UTRN: variants seen among roughly 807,000 people sequenced by gnomAD.
The protein encoded by UTRN is dystrophin-related protein 1.
In UTRN, 283 loss-of-function variants were observed where a neutral mutation model predicts 463.9. That is an observed-to-expected ratio of 0.61 (90% CI 0.55 to 0.67). UTRN has a LOEUF of 0.67. UTRN is among the 30% of genes least tolerant of loss of function. UTRN has a pLI of 0.00. For synonymous variants in UTRN, 1,442 were observed against 1,431.5 expected (o/e 1.01, Z -0.17); for missense variants, 3,922 against 4,084.3 (o/e 0.96, Z 1.08).
chr6:144,751,718 A>G (rs891365505), intron 55 of UTRN, 88 bp from the exon 56 acceptor site: 1 of 1,286,106 alleles, frequency 7.8e-7, no homozygotes, highest in Non-Finnish European at 1.0e-6. Context: ...GAACCCATGC[A>G]GTTCAGACCT....
At chr6:144,380,644 CTAAAATAATTTTTT>C (rs1780828989) in intron 2 of UTRN, among the ~76,000 whole-genome samples, 1 of 151,814 alleles carries the variant, frequency 6.6e-6, no homozygotes, top group South Asian at 2.1e-4. Flanking sequence ...GACTCCATCT[CTAAAATAATTTTTT>C]TAAAATATTA....
chr6:144,569,262 C>T (rs1449484791), intron 50 of UTRN, among the ~76,000 whole-genome samples: 2 of 151,962 alleles, frequency 1.3e-5, no homozygotes, highest in African/African-American at 4.8e-5. Flanking sequence ...TAAACACATA[C>T]ATTCATTATA....
intron 38 of UTRN, 47 bp from the exon 39 acceptor site, chr6:144,516,764 A>G (rs1795647616): frequency 1.5e-6 from 2 of 1,375,108 alleles, no homozygotes; most frequent in East Asian, 2.7e-5. Flanking sequence ...AAGTGACCTT[A>G]TGCATTTTTC....
chr6:144,428,423 G>GC (rs539537818), intron 7 of UTRN, among the ~76,000 whole-genome samples: 2 of 138,568 alleles, frequency 1.4e-5, no homozygotes, highest in Admixed American at 1.4e-4. Flanking sequence ...TTTTTCTGTG[G>GC]TTTTTTTTTT....
At chr6:144,628,134 A>C (rs140218602) in intron 51 of UTRN, among the ~76,000 whole-genome samples, 113 of 152,214 alleles carry the variant, frequency 7.4e-4, no homozygotes, top group African/African-American at 2.6e-3. Flanking sequence ...TATTATGCAT[A>C]TATCACATTT....
chr6:144,748,475 A>G lies in UTRN; in HGVS notation c.8169A>G (p.Leu2723=). ...ATGGCTGGAAGCCCGTGGGAGACTT[A>G]CTCATTGACTCGCTGCAGGATCACA... ...VRNGWKPVGD[L]LIDSLQDHIE... The change falls in exon 55 of 75, where the codon TTA becomes TTG. Residue 2723 remains leucine (L), a synonymous_variant. Transcript: ENST00000367545. 6.2e-7 allele frequency: 1 copy of G among 1,613,948 alleles called. No individual in the cohort carries two copies. The highest frequency in any genetic ancestry group is 8.5e-7 in the Non-Finnish European group (1 of 1,179,892).
chr6:144,623,229 C>T (rs528485816), intron 51 of UTRN, among the ~76,000 whole-genome samples: 17 of 151,930 alleles, frequency 1.1e-4, no homozygotes, highest in African/African-American at 3.4e-4. Flanking sequence ...TGAGAAAGGT[C>T]GAAATAATTG....
chr6:144,557,373 C>T (rs999445492), intron 50 of UTRN, 62 bp downstream of exon 50: 8 of 1,536,968 alleles, frequency 5.2e-6, no homozygotes, highest in African/African-American at 2.8e-5. Context: ...ATGGCTTTGG[C>T]TTTCTCGTGG....
chr6:144,487,566 C>A lies in UTRN; in HGVS notation c.3841C>A (p.Arg1281Ser). 6.2e-7 allele frequency: 1 copy of A among 1,610,914 alleles called. No homozygotes were observed. The highest frequency in any genetic ancestry group is 2.2e-5 in the East Asian group (1 of 44,722). Residue 1281 changes from arginine (R) to serine (S), a missense_variant, in exon 29 of 75, where the codon CGC becomes AGC. Around this residue, in one of 3 missense-constraint regions of UTRN, gnomAD observed 2,349 missense variants for 2,303.8 expected, o/e 1.02. Coordinates refer to ENST00000367545, the MANE Select transcript of UTRN (RefSeq NM_007124.3). Reference protein sequence around the residue: ...EALESLESVLRHPADNRTQIR... With the variant: ...EALESLESVLSHPADNRTQIR... ...ATTCCAGTCTCTGGAATCTGTTCTG[C>A]GCCACCCGGCAGATAATCGCACCCA...
At chr6:144,325,450 T>C (rs1775918230) in intron 2 of UTRN, among the ~76,000 whole-genome samples, 1 of 152,220 alleles carries the variant, frequency 6.6e-6, no homozygotes, top group African/African-American at 2.4e-5. Context: ...TAGATGCCAG[T>C]GCCATGCTTT....
intron 62 of UTRN, among the ~76,000 whole-genome samples, chr6:144,791,528 G>A (rs576584963): frequency 1.3e-4 from 19 of 150,628 alleles, no homozygotes; most frequent in African/African-American, 2.4e-4. Context: ...AGCCATGGTC[G>A]GACCACCACA....
Position 144,851,245 on chromosome 6 carries a change from G to C in UTRN, c.*248G>C, listed in dbSNP as rs1201074273. The C allele has an allele frequency of 5.4e-6, 3 of 551,304 alleles. No individual in the cohort carries two copies. Among genetic ancestry groups the C allele is most frequent in the Non-Finnish European group, 9.7e-6 (3 of 309,834 alleles). 34.2% of individuals were successfully genotyped at this position (551,304 alleles called of 1,614,324 possible). A position where few individuals can be genotyped will look rare whatever the true frequency, so the allele number is the denominator to read the frequency against. On this transcript the variant is annotated 3_prime_UTR_variant, in exon 75 of 75. Transcript: ENST00000367545. ...CTATGCAAGTGTAAATTAATGAACA[G>C]AGAGGTATTTGGAAATGGTAATACA...
chr6:144,334,087 A>C (rs965362908), intron 2 of UTRN, among the ~76,000 whole-genome samples: 3 of 152,128 alleles, frequency 2.0e-5, no homozygotes, highest in Non-Finnish European at 4.4e-5. Flanking sequence ...TTTCCCTACA[A>C]AATTGCTGCT....
At chr6:144,840,646 G>A in intron 72 of UTRN, 94 bp from the exon 73 acceptor site, 1 of 1,336,978 alleles carries the variant, frequency 7.5e-7, no homozygotes, top group Non-Finnish European at 1.0e-6. Context: ...ATATTTAGAG[G>A]CTGGTTGGAG....
At chr6:144,593,652 G>T (rs1197254355) in intron 51 of UTRN, among the ~76,000 whole-genome samples, 1 of 152,158 alleles carries the variant, frequency 6.6e-6, no homozygotes, top group Non-Finnish European at 1.5e-5. Context: ...TAGGCTGCCT[G>T]TCTCCAGACC....
chr6:144,782,968 G>A (rs1378931992), intron 61 of UTRN, among the ~76,000 whole-genome samples: 3 of 152,112 alleles, frequency 2.0e-5, no homozygotes, highest in Admixed American at 1.3e-4. Context: ...GGCCGAGGTG[G>A]GTGGATCACC....
intron 3 of UTRN, among the ~76,000 whole-genome samples, chr6:144,407,570 A>C (rs532258523): frequency 3.7e-4 from 56 of 152,364 alleles, no homozygotes; most frequent in African/African-American, 1.3e-3. Flanking sequence ...TATTTACCCA[A>C]TACAATTCTT....
At chr6:144,381,310 A>G (rs763706239) in intron 2 of UTRN, among the ~76,000 whole-genome samples, 11 of 152,180 alleles carry the variant, frequency 7.2e-5, no homozygotes, top group Non-Finnish European at 1.2e-4. Context: ...GCTAAGGATA[A>G]TGGCCTCCAG....
chr6:144,334,394 G>A (rs1315864956), intron 2 of UTRN, among the ~76,000 whole-genome samples: 2 of 151,962 alleles, frequency 1.3e-5, no homozygotes, highest in Non-Finnish European at 2.9e-5. Context: ...TTCCTGTTCC[G>A]TCAAGGCTAT....
Sources: gnomAD v4.1 joint callset for allele counts (sites outside exome capture counted in the v4.1 genomes callset) on GRCh38, gnomAD v4.1.1 for gene constraint, gnomAD v4.1.1 regional missense constraint, MANE v1.5 for transcripts, NCBI Gene and HGNC (gene_info 2026-07-23, HGNC 2026-07-21) for gene names.